PTPRD: variants seen among roughly 807,000 people sequenced by gnomAD.
The protein encoded by PTPRD is protein tyrosine phosphatase receptor type D.
Under a neutral mutation model 214.5 loss-of-function variants are expected in PTPRD, and 34 were observed. The observed-to-expected ratio is 0.16, with a 90% CI of 0.12 to 0.21. The LOEUF (loss-of-function observed/expected upper bound fraction) is 0.21, where lower values mean the gene tolerates loss of function less well. Among genes scored for constraint, PTPRD ranks in the 10% least tolerant of loss-of-function variants. The pLI is 1.00. For missense variants in PTPRD, 2,545 were observed against 2,398.7 expected, an observed-to-expected ratio of 1.06 and a Z score of -1.27; for synonymous variants, 1,128 against 845.7, an observed-to-expected ratio of 1.33 and a Z score of -5.79.
chr9:8,911,378 C>T (rs968013560), intron 11 of PTPRD, among the ~76,000 whole-genome samples: 1 of 142,838 alleles, frequency 7.0e-6, no homozygotes, highest in African/African-American at 2.5e-5. Context: ...GTTGGGAGAA[C>T]TGGATGCCCA....
intron 9 of PTPRD, among the ~76,000 whole-genome samples, chr9:9,305,044 G>A (rs1569567214): frequency 6.7e-6 from 1 of 149,868 alleles, no homozygotes; most frequent in Non-Finnish European, 1.5e-5. Context: ...ACGCCCACCT[G>A]TTAGAGTCCC....
At chr9:10,573,760 A>G (rs1024064424) in intron 2 of PTPRD, among the ~76,000 whole-genome samples, 1 of 152,136 alleles carries the variant, frequency 6.6e-6, no homozygotes, top group Admixed American at 6.6e-5. Context: ...AATAAATAAG[A>G]AAATGAGGAA....
At chr9:9,498,752 C>CAT (rs1440918700) in intron 8 of PTPRD, among the ~76,000 whole-genome samples, 4 of 151,968 alleles carry the variant, frequency 2.6e-5, no homozygotes, top group Non-Finnish European at 5.9e-5. Context: ...GAACAATGAA[C>CAT]ATAGGCACAC....
chr9:9,107,522 C>T (rs1182398112), intron 10 of PTPRD, among the ~76,000 whole-genome samples: 1 of 152,136 alleles, frequency 6.6e-6, no homozygotes, highest in Admixed American at 6.6e-5. Context: ...GTGAATGATC[C>T]ATTGCCTTAG....
intron 8 of PTPRD, among the ~76,000 whole-genome samples, chr9:9,553,773 G>A (rs1029709765): frequency 5.9e-5 from 9 of 152,016 alleles, no homozygotes; most frequent in African/African-American, 2.2e-4. Context: ...GACAAATGAA[G>A]CAAAGGAATT....
chr9:8,787,913 C>A (rs544179393), intron 11 of PTPRD, among the ~76,000 whole-genome samples: 1 of 136,598 alleles, frequency 7.3e-6, no homozygotes, highest in African/African-American at 2.8e-5. Flanking sequence ...ACCCTATCAC[C>A]TTTTTTTAAA....
Position 10,207,419 on chromosome 9 carries a change from A to G in PTPRD, c.-545+133544T>C, listed in dbSNP as rs114839813. Among the ~76,000 whole-genome samples, 624 of 152,036 alleles carry G rather than the reference A, an allele frequency of 4.1e-3. 3 individuals carry two copies. The highest frequency in any genetic ancestry group is 0.013 in the African/African-American group (531 of 41,488). ...TGTTATTTATCAGGTATTAATTGGT[A>G]TTAGGGTTATGCTGGCATCATAAAA... On this transcript the variant is annotated intron_variant, in intron 3 of 45. Coordinates refer to ENST00000381196, the MANE Select transcript of PTPRD (RefSeq NM_002839.4).
intron 3 of PTPRD, among the ~76,000 whole-genome samples, chr9:10,174,397 CT>C (rs1187913611): frequency 6.6e-6 from 1 of 152,126 alleles, no homozygotes; most frequent in Non-Finnish European, 1.5e-5. Flanking sequence ...GGCTGGCTCC[CT>C]TTCACCTTCC....
At chr9:8,452,859 G>C (rs1249728279) in intron 33 of PTPRD, among the ~76,000 whole-genome samples, 2 of 152,176 alleles carry the variant, frequency 1.3e-5, no homozygotes, top group Non-Finnish European at 2.9e-5. Flanking sequence ...AAGAGAAGTT[G>C]AGTGAAAGAT....
At chr9:8,438,334 T>C (rs1038988634) in intron 34 of PTPRD, among the ~76,000 whole-genome samples, 1 of 152,220 alleles carries the variant, frequency 6.6e-6, no homozygotes, top group Non-Finnish European at 1.5e-5. Context: ...TTAGTTTTTA[T>C]GGCTATGAAG....
chr9:9,102,978 G>A (rs1260723282), intron 10 of PTPRD, among the ~76,000 whole-genome samples: 1 of 152,174 alleles, frequency 6.6e-6, no homozygotes, highest in Admixed American at 6.5e-5. Context: ...TCTTTGGTCA[G>A]TTTTTATGGT....
intron 8 of PTPRD, among the ~76,000 whole-genome samples, chr9:9,427,322 G>T (rs1294530227): frequency 1.3e-5 from 2 of 152,148 alleles, no homozygotes; most frequent in Non-Finnish European, 2.9e-5. Context: ...AGTGATGGAA[G>T]ATCAAATGAA....
chr9:9,588,214 T>C (rs1473843619), intron 7 of PTPRD, among the ~76,000 whole-genome samples: 1 of 151,810 alleles, frequency 6.6e-6, no homozygotes, highest in Non-Finnish European at 1.5e-5. Flanking sequence ...GGACTAACCT[T>C]AGTCCTTATC....
chr9:8,490,513 C>G (rs1450552566), intron 27 of PTPRD, among the ~76,000 whole-genome samples: 2 of 152,128 alleles, frequency 1.3e-5, no homozygotes, highest in Non-Finnish European at 2.9e-5. Context: ...TTTGATTATC[C>G]TTAAACATAG....
At chr9:8,971,914 A>G (rs1402858203) in intron 11 of PTPRD, among the ~76,000 whole-genome samples, 2 of 151,820 alleles carry the variant, frequency 1.3e-5, no homozygotes, top group Non-Finnish European at 3.0e-5. Flanking sequence ...ATTAAAGTAT[A>G]TTATTCATAT....
intron 9 of PTPRD, among the ~76,000 whole-genome samples, chr9:9,339,931 T>G (rs1569567508): frequency 2.0e-5 from 3 of 152,186 alleles, no homozygotes; most frequent in Non-Finnish European, 4.4e-5. Context: ...CTTTTTTACA[T>G]GCTAATCTAT....
chr9:8,928,775 T>C (rs1186033612), intron 11 of PTPRD, among the ~76,000 whole-genome samples: 1 of 152,156 alleles, frequency 6.6e-6, no homozygotes, highest in African/African-American at 2.4e-5. Flanking sequence ...TATAAATTAC[T>C]TGAGGTAATA....
intron 8 of PTPRD, among the ~76,000 whole-genome samples, chr9:9,469,181 T>C (rs903521024): frequency 4.3e-4 from 65 of 152,146 alleles, no homozygotes; most frequent in African/African-American, 1.5e-3. Flanking sequence ...TATGTATAAG[T>C]TGAAATGCTA....
intron 3 of PTPRD, among the ~76,000 whole-genome samples, chr9:10,295,818 G>A (rs1473074939): frequency 2.0e-5 from 3 of 152,086 alleles, no homozygotes; most frequent in Non-Finnish European, 4.4e-5. Context: ...CCTGGCTGGA[G>A]CAGAAGAGAT....
Sources: allele counts gnomAD v4.1 joint callset (sites outside exome capture counted in the v4.1 genomes callset), GRCh38; gene constraint gnomAD v4.1.1; transcripts MANE v1.5; gene names NCBI Gene and HGNC (gene_info 2026-07-23, HGNC 2026-07-21).